RARB: variants seen among roughly 807,000 people sequenced by gnomAD.
RARB encodes retinoic acid receptor beta.
Under a neutral mutation model 51.9 loss-of-function variants are expected in RARB, and 17 were observed. That is an observed-to-expected ratio of 0.33 (90% confidence interval 0.22 to 0.49). RARB has a LOEUF of 0.49. Ranked by LOEUF, RARB falls within the 20% of genes least tolerant of loss-of-function variation. The probability of loss-of-function intolerance (pLI) is 0.99; values close to 1 mark genes in which losing one functional copy is unlikely to be tolerated. For synonymous variants in RARB, 215 were observed against 195.4 expected (o/e 1.10, Z -0.84); for missense variants, 369 against 550.8 (o/e 0.67, Z 3.30).
intron 3 of RARB, among the ~76,000 whole-genome samples, chr3:25,512,267 C>T (rs1575475619): frequency 6.6e-6 from 1 of 152,302 alleles, no homozygotes; most frequent in South Asian, 2.1e-4. Flanking sequence ...TACAGGACAG[C>T]TAATGCTCCT....
At chr3:24,964,324 T>C (rs1354034864) in intron 2 of RARB, among the ~76,000 whole-genome samples, 2 of 152,324 alleles carry the variant, frequency 1.3e-5, no homozygotes, top group Non-Finnish European at 2.9e-5. Context: ...AATCTGTTCA[T>C]TGCTAACCCT....
intron 5 of RARB, among the ~76,000 whole-genome samples, chr3:25,218,750 G>T (rs1383597989): frequency 6.6e-6 from 1 of 152,178 alleles, no homozygotes. Flanking sequence ...CCTGGGGAAA[G>T]CTATAGAGAG....
chr3:25,293,597 TAAAAA>T (rs10713675), intron 5 of RARB, among the ~76,000 whole-genome samples: 30 of 68,644 alleles, frequency 4.4e-4, no homozygotes, highest in South Asian at 2.1e-3. Flanking sequence ...TTACTCCATT[TAAAAA>T]AAAAAAAAAA....
chr3:24,885,551 A>G (rs1703250840), intron 2 of RARB, among the ~76,000 whole-genome samples: 1 of 152,230 alleles, frequency 6.6e-6, no homozygotes, highest in Non-Finnish European at 1.5e-5. Context: ...GCCGTCTAGC[A>G]TAGCTATAGT....
intron 3 of RARB, among the ~76,000 whole-genome samples, chr3:25,105,645 G>C (rs1302276093): frequency 6.6e-6 from 1 of 152,148 alleles, no homozygotes; most frequent in Non-Finnish European, 1.5e-5. Flanking sequence ...TTTCCTTGCT[G>C]TGTCAGGGGA....
chr3:24,830,062 A>G (rs1415236522), intron 1 of RARB, among the ~76,000 whole-genome samples: 1 of 152,114 alleles, frequency 6.6e-6, no homozygotes, highest in Non-Finnish European at 1.5e-5. Flanking sequence ...GGAGAAGAGT[A>G]CTAGGGGCTT....
intron 5 of RARB, among the ~76,000 whole-genome samples, chr3:25,209,008 C>T (rs1227095887): frequency 1.3e-5 from 2 of 152,196 alleles, no homozygotes; most frequent in African/African-American, 2.4e-5. Flanking sequence ...AAGCATGGCT[C>T]CCTGTGTTGC....
At chr3:25,393,186 C>G (rs529520243) in intron 5 of RARB, among the ~76,000 whole-genome samples, 1 of 152,086 alleles carries the variant, frequency 6.6e-6, no homozygotes, top group Admixed American at 6.5e-5. Flanking sequence ...TGTGTTGTAT[C>G]ACATTTATTG....
At position 25,391,140 on chromosome 3, in the gene RARB, T is replaced by C. The variant is rs570388718; in HGVS notation, c.179-70053T>C. Reference sequence around the variant, plus strand: ...TAGCTCCTACTTATAAGTGAGAATATACAATGTTTGGTTTTCCATTCCAGA... The same window carrying C: ...TAGCTCCTACTTATAAGTGAGAATACACAATGTTTGGTTTTCCATTCCAGA... On this transcript the variant is annotated intron_variant, in intron 5 of 11. Transcript: ENST00000383772. 3.3e-5 allele frequency among the ~76,000 whole-genome samples: 5 copies of C among 152,278 alleles called. No individual in the cohort carries two copies. The East Asian group carries it at 5.8e-4, about 18-fold the overall frequency.
At position 24,993,446 on chromosome 3, in the gene RARB, AG is replaced by A. The variant is rs1455190787; in HGVS notation, c.-379-66676del. Among the ~76,000 whole-genome samples, 7 of 152,292 alleles carry A rather than the reference AG, an allele frequency of 4.6e-5. No homozygotes were observed. The East Asian group carries it at 1.2e-3, about 25-fold the overall frequency. On this transcript the variant is annotated intron_variant, in intron 2 of 11. Transcript: ENST00000383772. ...TTACAAATAACAATTGTACATATTT[AG>A]GGTACATAGTGCTGTTTCAATACAT...
intron 3 of RARB, among the ~76,000 whole-genome samples, chr3:25,505,670 G>T (rs777887216): frequency 3.8e-4 from 57 of 148,718 alleles, no homozygotes; most frequent in Non-Finnish European, 6.1e-4. Context: ...AATGGCAAGT[G>T]AAAAAAAAAC....
intron 1 of RARB, among the ~76,000 whole-genome samples, chr3:24,833,852 C>G (rs1702310836): frequency 6.6e-6 from 1 of 152,194 alleles, no homozygotes; most frequent in Non-Finnish European, 1.5e-5. Context: ...TCTAGCCATA[C>G]CAGTTGATAA....
chr3:25,002,220 T>A (rs4324440), intron 2 of RARB, among the ~76,000 whole-genome samples: 1 of 152,048 alleles, frequency 6.6e-6, no homozygotes, highest in African/African-American at 2.4e-5. Context: ...TGTGGTAAGG[T>A]GTGAAGACAC....
At chr3:25,580,778 A>AG (rs1014004493) in intron 5 of RARB, 56 bp downstream of exon 5, 4 of 1,457,686 alleles carry the variant, frequency 2.7e-6, no homozygotes, top group South Asian at 1.4e-5. Flanking sequence ...GGCACCGTGG[A>AG]GGGGAGGGAG....
chr3:24,908,329 C>T (rs568056930), intron 2 of RARB, among the ~76,000 whole-genome samples: 1 of 152,092 alleles, frequency 6.6e-6, no homozygotes, highest in East Asian at 1.9e-4. Flanking sequence ...TTGCAAATGC[C>T]TATTTTTTAA....
Position 25,156,329 on chromosome 3 carries a change from T to C in RARB, c.-279-17790T>C, listed in dbSNP as rs111524610. Reference sequence around the variant, plus strand: ...TCAGCCCATTTCTATGCCAATGTGCTAATAGTTGTGGAATCTCATTCATCT... The same window carrying C: ...TCAGCCCATTTCTATGCCAATGTGCCAATAGTTGTGGAATCTCATTCATCT... On this transcript the variant is annotated intron_variant, in intron 4 of 11. Transcript: ENST00000383772. Among the ~76,000 whole-genome samples the C allele has an allele frequency of 4.2e-3, 647 of 152,256 alleles. 4 individuals are homozygous for C. Among genetic ancestry groups the C allele is most frequent in the African/African-American group, 0.015 (618 of 41,552 alleles).
At chr3:25,326,597 C>A (rs536890710) in intron 5 of RARB, among the ~76,000 whole-genome samples, 4 of 151,960 alleles carry the variant, frequency 2.6e-5, no homozygotes, top group Non-Finnish European at 4.4e-5. Context: ...CTTAAAAGTC[C>A]AACTGTTTTT....
intron 4 of RARB, among the ~76,000 whole-genome samples, chr3:25,158,318 C>G (rs1364678907): frequency 6.6e-6 from 1 of 152,198 alleles, no homozygotes; most frequent in Non-Finnish European, 1.5e-5. Context: ...ATATTAATCA[C>G]TTAGAAATAT....
chr3:25,443,626 A>T (rs1391972914), intron 1 of RARB, among the ~76,000 whole-genome samples: 2 of 151,200 alleles, frequency 1.3e-5, no homozygotes, highest in African/African-American at 4.9e-5. Flanking sequence ...TATATATAAA[A>T]AAAAAAAAAT....
Sources: gnomAD v4.1 joint callset for allele counts (sites outside exome capture counted in the v4.1 genomes callset) on GRCh38, gnomAD v4.1.1 for gene constraint, MANE v1.5 for transcripts, NCBI Gene and HGNC (gene_info 2026-07-23, HGNC 2026-07-21) for gene names.